Variants in DAB1 observed in about 807,000 individuals in gnomAD.
DAB1 encodes the protein DAB adaptor protein 1, also known as disabled homolog 1.
A neutral mutation model predicts 64.6 loss-of-function variants in DAB1; 15 were observed. The observed-to-expected ratio is 0.23, with a 90% confidence interval of 0.16 to 0.36. DAB1 has a LOEUF of 0.36. Among genes scored for constraint, DAB1 ranks in the 10% least tolerant of loss-of-function variants. DAB1 has a pLI of 1.00. For synonymous variants in DAB1, 235 were observed against 251.9 expected, an observed-to-expected ratio of 0.93 and a Z score of 0.64; for missense variants, 596 against 706.7, an observed-to-expected ratio of 0.84 and a Z score of 1.78.
At chr1:57,107,419 C>A (rs921522195) in intron 4 of DAB1, among the ~76,000 whole-genome samples, 2 of 148,226 alleles carry the variant, frequency 1.3e-5, no homozygotes, top group Non-Finnish European at 3.0e-5. Context: ...AGCATCTCAA[C>A]ATAATATAGA....
chr1:57,674,577 G>A (rs1427458471), intron 6 of DAB1, among the ~76,000 whole-genome samples: 1 of 152,126 alleles, frequency 6.6e-6, no homozygotes, highest in Non-Finnish European at 1.5e-5. Context: ...TAGAAGCCAT[G>A]AGTTCTCTGT....
intron 6 of DAB1, among the ~76,000 whole-genome samples, chr1:57,773,650 T>G (rs1442483482): frequency 1.3e-5 from 2 of 152,064 alleles, no homozygotes; most frequent in East Asian, 3.9e-4. Context: ...TTTATGTTTG[T>G]GTATACTATC....
chr1:58,167,912 G>GT (rs755945796), intron 4 of DAB1, among the ~76,000 whole-genome samples: 50 of 152,300 alleles, frequency 3.3e-4, no homozygotes, highest in Non-Finnish European at 5.7e-4. Context: ...TTTAAGAACT[G>GT]TAACACTCAC....
At chr1:58,153,378 T>C (rs1016673439) in intron 4 of DAB1, among the ~76,000 whole-genome samples, 3 of 152,224 alleles carry the variant, frequency 2.0e-5, no homozygotes, top group South Asian at 2.1e-4. Flanking sequence ...CAGATCATGA[T>C]GAGCAGGTCA....
chr1:57,084,965 T>C (rs1157276602), intron 4 of DAB1, among the ~76,000 whole-genome samples: 2 of 152,148 alleles, frequency 1.3e-5, no homozygotes, highest in African/African-American at 2.4e-5. Flanking sequence ...CCTTGGAAAA[T>C]GAACTGTCAG....
chr1:58,433,600 T>A (rs797009639), intron 3 of DAB1, among the ~76,000 whole-genome samples: 11 of 130,274 alleles, frequency 8.4e-5, no homozygotes, highest in African/African-American at 2.2e-4. Flanking sequence ...AGAGAGAGTG[T>A]GTGTGTGTGT....
chr1:58,230,404 C>T (rs1015835439), intron 4 of DAB1, among the ~76,000 whole-genome samples: 4 of 152,214 alleles, frequency 2.6e-5, no homozygotes, highest in Admixed American at 6.5e-5. Context: ...TCGAGACTCC[C>T]AGGCTTAGAG....
At chr1:57,730,395 A>T (rs1647358491) in intron 6 of DAB1, among the ~76,000 whole-genome samples, 1 of 152,184 alleles carries the variant, frequency 6.6e-6, no homozygotes, top group African/African-American at 2.4e-5. Flanking sequence ...TCTCCCATTA[A>T]ATCTCCTTAA....
At chr1:57,758,714 C>G (rs1229826574) in intron 6 of DAB1, among the ~76,000 whole-genome samples, 1 of 152,000 alleles carries the variant, frequency 6.6e-6, no homozygotes, top group Non-Finnish European at 1.5e-5. Context: ...AATTTCAAAG[C>G]TAAAAATACA....
chr1:58,243,091 G>A (rs1198443357), intron 4 of DAB1, among the ~76,000 whole-genome samples: 1 of 152,058 alleles, frequency 6.6e-6, no homozygotes, highest in African/African-American at 2.4e-5. Context: ...TTTGTCCATG[G>A]TGACACCATG....
intron 7 of DAB1, among the ~76,000 whole-genome samples, chr1:57,507,343 G>T (rs1396627031): frequency 6.6e-6 from 1 of 152,206 alleles, no homozygotes; most frequent in African/African-American, 2.4e-5. Flanking sequence ...TTGCCATAAA[G>T]GGTGATGTCC....
At chr1:58,118,503 T>TATATATATATATAC (rs1341446315) in intron 5 of DAB1, among the ~76,000 whole-genome samples, 75 of 53,070 alleles carry the variant, frequency 1.4e-3, no homozygotes, top group African/African-American at 2.2e-3. Flanking sequence ...TATATATATA[T>TATATATATATATAC]ACACACACAC....
chr1:57,368,935 C>G (rs1332132411), intron 1 of DAB1, among the ~76,000 whole-genome samples: 1 of 152,088 alleles, frequency 6.6e-6, no homozygotes, highest in Non-Finnish European at 1.5e-5. Context: ...AACACATATA[C>G]TAGAAACACT....
chr1:58,368,445 T>C (rs1644235472), intron 3 of DAB1, among the ~76,000 whole-genome samples: 1 of 152,058 alleles, frequency 6.6e-6, no homozygotes, highest in South Asian at 2.1e-4. Context: ...ATAAATGAAA[T>C]GTAGAATAAG....
chr1:57,255,028 C>T (rs950344760), intron 2 of DAB1, among the ~76,000 whole-genome samples: 2 of 151,952 alleles, frequency 1.3e-5, no homozygotes, highest in African/African-American at 4.8e-5. Flanking sequence ...AGTGTTGAAT[C>T]CCCAACATTC....
chr1:58,485,243 A>T, intron 3 of DAB1, among the ~76,000 whole-genome samples: 1 of 149,898 alleles, frequency 6.7e-6, no homozygotes, highest in South Asian at 2.1e-4. Flanking sequence ...AAAAAAAAAA[A>T]AAAAAAAAAA....
chr1:58,499,925 A>G (rs1645879019), intron 3 of DAB1, among the ~76,000 whole-genome samples: 1 of 152,170 alleles, frequency 6.6e-6, no homozygotes, highest in Non-Finnish European at 1.5e-5. Context: ...TAAAACATCA[A>G]CTACTTATTC....
At chr1:57,406,359 T>C (rs1390110370) in intron 1 of DAB1, among the ~76,000 whole-genome samples, 1 of 152,228 alleles carries the variant, frequency 6.6e-6, no homozygotes, top group Non-Finnish European at 1.5e-5. Flanking sequence ...CAAATATCTC[T>C]TTGGTTGTAC....
intron 5 of DAB1, among the ~76,000 whole-genome samples, chr1:58,079,431 T>G (rs1297761960): frequency 6.6e-6 from 1 of 152,154 alleles, no homozygotes; most frequent in Non-Finnish European, 1.5e-5. Context: ...CAGGGAAGTT[T>G]GTTCACTGTT....
Sources: gnomAD v4.1 joint callset for allele counts (sites outside exome capture counted in the v4.1 genomes callset) on GRCh38, gnomAD v4.1.1 for gene constraint, MANE v1.5 for transcripts, NCBI Gene and HGNC (gene_info 2026-07-23, HGNC 2026-07-21) for gene names.